The following CD247 variants were observed in gnomAD, a reference collection of about 807,000 sequenced individuals.
CD247 encodes T-cell surface glycoprotein CD3 zeta chain.
Under a neutral mutation model 30.0 loss-of-function variants are expected in CD247, and 13 were observed. That is an observed-to-expected ratio of 0.43 (90% CI 0.28 to 0.69). The LOEUF is 0.69. Among genes scored for constraint, CD247 ranks in the 30% least tolerant of loss-of-function variants. The pLI is 0.16. For missense variants in CD247, 193 were observed against 212.6 expected (o/e 0.91, Z 0.57); for synonymous variants, 72 against 80.0 (o/e 0.90, Z 0.53).
intron 1 of CD247, among the ~76,000 whole-genome samples, chr1:167,452,959 GCATGTA>G (rs1337416346): frequency 6.7e-6 from 1 of 149,812 alleles, no homozygotes; most frequent in Non-Finnish European, 1.5e-5. Flanking sequence ...ATATATGTAT[GCATGTA>G]CATATATACA....
At chr1:167,485,333 T>TA (rs547373954) in intron 1 of CD247, among the ~76,000 whole-genome samples, 141 of 152,328 alleles carry the variant, frequency 9.3e-4, no homozygotes, top group African/African-American at 3.2e-3. Flanking sequence ...GCGCTGCGTC[T>TA]GGGGAGCTCA....
At chr1:167,505,485 C>T (rs1339687789) in intron 1 of CD247, among the ~76,000 whole-genome samples, 2 of 152,238 alleles carry the variant, frequency 1.3e-5, no homozygotes, top group Admixed American at 6.5e-5. Context: ...CTGCCTGCTT[C>T]GTTTCTGAAA....
chr1:167,449,380 C>T (rs530044274), intron 1 of CD247, among the ~76,000 whole-genome samples: 6 of 151,742 alleles, frequency 4.0e-5, no homozygotes, highest in Non-Finnish European at 8.8e-5. Context: ...TCTCAAACTC[C>T]TGACCTCAGG....
intron 1 of CD247, among the ~76,000 whole-genome samples, chr1:167,453,745 AT>A (rs1405415264): frequency 6.6e-6 from 1 of 152,190 alleles, no homozygotes; most frequent in African/African-American, 2.4e-5. Context: ...AAGCTGGAGG[AT>A]TTCTTGAGCT....
intron 1 of CD247, among the ~76,000 whole-genome samples, chr1:167,476,461 T>C (rs1269663559): frequency 6.6e-6 from 1 of 152,234 alleles, no homozygotes. Flanking sequence ...CACAGGATTT[T>C]TGTGAGGATA....
intron 1 of CD247, among the ~76,000 whole-genome samples, chr1:167,467,530 T>C (rs935777235): frequency 1.3e-5 from 2 of 152,252 alleles, no homozygotes; most frequent in Non-Finnish European, 2.9e-5. Context: ...TAGAAAGCGC[T>C]GAACTGTTTA....
intron 1 of CD247, among the ~76,000 whole-genome samples, chr1:167,491,625 C>A (rs753816218): frequency 1.3e-5 from 2 of 151,976 alleles, no homozygotes; most frequent in Admixed American, 6.6e-5. Flanking sequence ...TGGTTCTATA[C>A]CCAAAAGAAT....
chr1:167,508,345 A>C (rs1355329261), intron 1 of CD247, among the ~76,000 whole-genome samples: 1 of 152,210 alleles, frequency 6.6e-6, no homozygotes, highest in Non-Finnish European at 1.5e-5. Flanking sequence ...CAGCATTTGC[A>C]ATGGGCAGGT....
rs539328632 is a variant in CD247 at position 167,431,083 on chromosome 1, C to G, written c.*598G>C. The G allele has an allele frequency of 5.4e-5, 23 of 423,890 alleles. No individual in the cohort carries two copies. The highest frequency in any genetic ancestry group is 4.5e-4 in the African/African-American group (22 of 49,302). The allele number at this position is 423,890 out of a possible 1,614,324, so 26.3% of individuals were successfully genotyped here. ...GGCAGGGAGGCTCCCGCTGCCCTCG[C>G]AGGCCCTGGCTGACCCTCCCCTGCC... On this transcript the variant is annotated 3_prime_UTR_variant, in exon 8 of 8. Coordinates refer to ENST00000362089, the MANE Select transcript of CD247 (RefSeq NM_198053.3).
At chr1:167,499,820 C>A (rs953009094) in intron 1 of CD247, among the ~76,000 whole-genome samples, 1 of 152,156 alleles carries the variant, frequency 6.6e-6, no homozygotes, top group African/African-American at 2.4e-5. Context: ...CAATCTTGAG[C>A]AAATCACTTG....
intron 1 of CD247, among the ~76,000 whole-genome samples, chr1:167,496,429 T>C (rs2102089260): frequency 6.6e-6 from 1 of 152,314 alleles, no homozygotes; most frequent in Admixed American, 6.5e-5. Flanking sequence ...GCAACCCCCC[T>C]GCTCTTTGGG....
chr1:167,485,681 C>T (rs774042078), intron 1 of CD247, among the ~76,000 whole-genome samples: 11 of 152,062 alleles, frequency 7.2e-5, no homozygotes, highest in Non-Finnish European at 1.3e-4. Context: ...GTGGTTAACG[C>T]CAGGGCAGTT....
At chr1:167,473,705 A>C (rs1431501417) in intron 1 of CD247, among the ~76,000 whole-genome samples, 1 of 152,196 alleles carries the variant, frequency 6.6e-6, no homozygotes, top group Non-Finnish European at 1.5e-5. Flanking sequence ...GTGTCTGGTC[A>C]GGGTATAGAA....
intron 1 of CD247, among the ~76,000 whole-genome samples, chr1:167,469,840 G>T (rs1283417890): frequency 6.6e-6 from 1 of 152,038 alleles, no homozygotes; most frequent in East Asian, 1.9e-4. Flanking sequence ...CAAGACTCAG[G>T]CCTTGGACCT....
At position 167,503,954 on chromosome 1, in the gene CD247, CA is replaced by C. The variant is rs1333885454; in HGVS notation, c.58+14453del. Among the ~76,000 whole-genome samples the C allele has an allele frequency of 1.6e-4, 25 of 152,286 alleles. No homozygotes were observed. In the East Asian group the frequency reaches 4.4e-3, roughly 27 times the overall value. ...CTGGGGCAGAAAATCCTATTCCTAC[CA>C]CCAGATCTTCCCTTTGCTAATTCCC... On this transcript the variant is annotated intron_variant, in intron 1 of 7. Transcript: ENST00000362089.
At chr1:167,512,390 T>C (rs1196973962) in intron 1 of CD247, among the ~76,000 whole-genome samples, 2 of 152,246 alleles carry the variant, frequency 1.3e-5, no homozygotes, top group South Asian at 2.1e-4. Flanking sequence ...TGAGAGCCAA[T>C]ACCTGTGGGG....
chr1:167,517,005 G>A (rs1007757347), intron 1 of CD247, among the ~76,000 whole-genome samples: 6 of 152,206 alleles, frequency 3.9e-5, no homozygotes, highest in Non-Finnish European at 7.3e-5. Flanking sequence ...CAAGCCTGAA[G>A]CTCAGAGGCT....
chr1:167,503,138 T>A (rs768356236), intron 1 of CD247, among the ~76,000 whole-genome samples: 9 of 152,210 alleles, frequency 5.9e-5, no homozygotes, highest in Non-Finnish European at 1.3e-4. Context: ...AACAGCTACC[T>A]CAGCCTTACA....
chr1:167,491,815 C>A (rs1340766714), intron 1 of CD247, among the ~76,000 whole-genome samples: 1 of 152,148 alleles, frequency 6.6e-6, no homozygotes, highest in African/African-American at 2.4e-5. Context: ...CAGACACATG[C>A]TACCACATGG....
Sources: gnomAD v4.1 joint callset for allele counts (sites outside exome capture counted in the v4.1 genomes callset) on GRCh38, gnomAD v4.1.1 for gene constraint, MANE v1.5 for transcripts, NCBI Gene and HGNC (gene_info 2026-07-23, HGNC 2026-07-21) for gene names.